The following KCNK3 variants were observed in gnomAD, a reference collection of about 807,000 sequenced individuals.
KCNK3 encodes potassium channel subfamily K member 3.
In KCNK3, 9 loss-of-function variants were observed where a neutral mutation model predicts 27.3. That is an observed-to-expected ratio of 0.33 (90% CI 0.20 to 0.57). The LOEUF (loss-of-function observed/expected upper bound fraction) is 0.57, where lower values mean the gene tolerates loss of function less well. KCNK3 is among the 20% of genes least tolerant of loss of function. The probability of loss-of-function intolerance (pLI) is 0.87; values close to 1 mark genes in which losing one functional copy is unlikely to be tolerated. For synonymous variants in KCNK3, 278 were observed against 273.8 expected, an observed-to-expected ratio of 1.02 and a Z score of -0.15; for missense variants, 391 against 577.7, an observed-to-expected ratio of 0.68 and a Z score of 3.31.
At chr2:26,706,208 T>C (rs1161660868) in intron 1 of KCNK3, among the ~76,000 whole-genome samples, 1 of 152,154 alleles carries the variant, frequency 6.6e-6, no homozygotes, top group Non-Finnish European at 1.5e-5. Context: ...TCTTTGCTCA[T>C]CCTCGAGCCA....
At chr2:26,702,077 A>G (rs551474180) in intron 1 of KCNK3, among the ~76,000 whole-genome samples, 136 of 152,252 alleles carry the variant, frequency 8.9e-4, no homozygotes, top group Admixed American at 1.4e-3. Context: ...CCTAGGACCT[A>G]TTAGTTATTT....
chr2:26,698,456 G>A (rs1235970103), intron 1 of KCNK3, among the ~76,000 whole-genome samples: 2 of 152,174 alleles, frequency 1.3e-5, no homozygotes, highest in African/African-American at 4.8e-5. Flanking sequence ...TTTACAAAGT[G>A]GGGATAATAA....
Position 26,692,761 on chromosome 2 carries a change from G to C in KCNK3, c.-115G>C. On this transcript the variant is annotated 5_prime_UTR_variant, in exon 1 of 2. Transcript: ENST00000302909. This position sits in a 1 kb window ranked among gnomAD's most constrained non-coding sequence, Gnocchi z 5.6. ...CGGGCGCTGAGCGGGTGCCCGGCGCGGAGAGCGGCGAGCGCAGCCATGCCC... is the reference window on the plus strand; with the variant it reads ...CGGGCGCTGAGCGGGTGCCCGGCGCCGAGAGCGGCGAGCGCAGCCATGCCC... The C allele has an allele frequency of 5.9e-6, 3 of 511,440 alleles. No individual in the cohort carries two copies. The highest frequency in any genetic ancestry group is 7.5e-6 in the Non-Finnish European group (3 of 398,560). The allele number at this position is 511,440 out of a possible 1,614,324, so 31.7% of individuals were successfully genotyped here.
rs1222341660 is a variant in KCNK3, at chr2:26,728,193, G to T, written c.810G>T (p.Ala270=). The T allele has an allele frequency of 6.4e-7, 1 of 1,564,448 alleles. No individual in the cohort carries two copies. The highest frequency in any genetic ancestry group is 8.7e-7 in the Non-Finnish European group (1 of 1,154,834). ...CGCTGCTCACGCGCAACGGGCAGGC[G>T]GGCGGCGGCGGAGGGGGTGGCAGCG... ...HRALLTRNGQ[A]GGGGGGGSAH... The change falls in exon 2 of 2, where the codon GCG becomes GCT. Residue 270 remains alanine (A), a synonymous_variant. Coordinates refer to ENST00000302909, the MANE Select transcript of KCNK3 (RefSeq NM_002246.3).
intron 1 of KCNK3, among the ~76,000 whole-genome samples, chr2:26,704,448 G>A (rs570376797): frequency 3.4e-4 from 52 of 152,296 alleles, no homozygotes; most frequent in African/African-American, 1.3e-3. Context: ...GGCTTGGCAT[G>A]GACTCAGTGT....
At chr2:26,699,251 A>AAGCC (rs1553384432) in intron 1 of KCNK3, among the ~76,000 whole-genome samples, 1,651 of 134,218 alleles carry the variant, frequency 0.012, 46 homozygotes, top group African/African-American at 0.051. Flanking sequence ...GAAAGAAAGA[A>AAGCC]AGCCAGCCAA....
intron 1 of KCNK3, among the ~76,000 whole-genome samples, chr2:26,718,243 A>G (rs1165709853): frequency 6.6e-6 from 1 of 151,936 alleles, no homozygotes; most frequent in African/African-American, 2.4e-5. Context: ...TCAGCTCAAT[A>G]TCTCTCTGAG....
intron 1 of KCNK3, among the ~76,000 whole-genome samples, chr2:26,702,747 T>C (rs1338859692): frequency 6.6e-6 from 1 of 152,064 alleles, no homozygotes; most frequent in Non-Finnish European, 1.5e-5. Context: ...TTAAGAGATG[T>C]GTTGCAAGGA....
chr2:26,713,502 G>A (rs780083647), intron 1 of KCNK3, among the ~76,000 whole-genome samples: 10 of 152,144 alleles, frequency 6.6e-5, no homozygotes, highest in African/African-American at 1.9e-4. Context: ...TATGTGGGCC[G>A]GACACGGTGG....
At position 26,693,835 on chromosome 2, in the gene KCNK3, T is replaced by A. The variant is rs149093866; in HGVS notation, c.283+677T>A. ...CACCTCACAGGAATAACCCCAGTTC[T>A]TTCCAAGCCAGGGCAGATCACCATG... On this transcript the variant is annotated intron_variant, in intron 1 of 1. Transcript: ENST00000302909. The surrounding 1 kb of genome is among the most constrained non-coding windows in gnomAD (Gnocchi z 5.5). Among the ~76,000 whole-genome samples the A allele has an allele frequency of 3.9e-5, 6 of 152,244 alleles. No individual in the cohort carries two copies. Among genetic ancestry groups the A allele is most frequent in the African/African-American group, 1.4e-4 (6 of 41,540 alleles).
At chr2:26,708,522 C>CA (rs963241996) in intron 1 of KCNK3, among the ~76,000 whole-genome samples, 1 of 151,874 alleles carries the variant, frequency 6.6e-6, no homozygotes, top group Non-Finnish European at 1.5e-5. Context: ...AAAAGAAATA[C>CA]AAAAAAATTA....
intron 1 of KCNK3, among the ~76,000 whole-genome samples, chr2:26,706,213 G>A (rs763073422): frequency 4.6e-5 from 7 of 152,162 alleles, no homozygotes; most frequent in African/African-American, 9.7e-5. Context: ...GCTCATCCTC[G>A]AGCCAAAGCT....
At chr2:26,713,991 G>A (rs975971369) in intron 1 of KCNK3, among the ~76,000 whole-genome samples, 6 of 151,482 alleles carry the variant, frequency 4.0e-5, no homozygotes, top group African/African-American at 1.5e-4. Flanking sequence ...CAGGAGAATC[G>A]CTTGAATCCA....
chr2:26,706,002 G>A (rs746557886), intron 1 of KCNK3, among the ~76,000 whole-genome samples: 27 of 152,276 alleles, frequency 1.8e-4, no homozygotes, highest in Non-Finnish European at 3.1e-4. Flanking sequence ...TAGGGCTGAG[G>A]TAAGCCCAGG....
Position 26,711,183 on chromosome 2 carries a change from A to T in KCNK3, c.284-16484A>T, listed in dbSNP as rs75794862. ...TTACCACGTCTCTGTCATGAAGCTG[A>T]TACACATGTTGCCTAACCTTGACCG... On this transcript the variant is annotated intron_variant, in intron 1 of 1. Transcript: ENST00000302909. 5.6e-3 allele frequency among the ~76,000 whole-genome samples: 858 copies of T among 152,272 alleles called. 7 individuals are homozygous for T. Among genetic ancestry groups the T allele is most frequent in the African/African-American group, 0.02 (818 of 41,556 alleles).
chr2:26,730,967 C>T lies in KCNK3; in HGVS notation c.*2399C>T, dbSNP rs1260698467. The T allele has an allele frequency of 6.5e-6, 1 of 152,732 alleles. No homozygotes were observed. The highest frequency in any genetic ancestry group is 2.4e-5 in the African/African-American group (1 of 41,442). The allele number at this position is 152,732 out of a possible 1,614,324, so 9.5% of individuals were successfully genotyped here. On this transcript the variant is annotated 3_prime_UTR_variant, in exon 2 of 2. Coordinates refer to ENST00000302909, the MANE Select transcript of KCNK3 (RefSeq NM_002246.3). ...TGGAAGGCCAGTGTTGCTTCCCCCT[C>T]ACTCCCTTTCACTGCAGGCAGCCTC... is the stretch of plus-strand genomic sequence containing the variant.
Position 26,705,501 on chromosome 2 carries a change from C to T in KCNK3, c.283+12343C>T, listed in dbSNP as rs148626973. Among the ~76,000 whole-genome samples, 7 of 152,232 alleles carry T rather than the reference C, an allele frequency of 4.6e-5. No individual in the cohort carries two copies. In the East Asian group the frequency reaches 5.8e-4, roughly 13 times the overall value. ...CTTCCTGCAATTGAGGGTCAGTGAA[C>T]GTGGGAGCCAGAGTCCAGTCCAGAC... On this transcript the variant is annotated intron_variant, in intron 1 of 1. Transcript: ENST00000302909.
chr2:26,724,525 A>T, intron 1 of KCNK3: 1 of 875,208 alleles, frequency 1.1e-6, no homozygotes, highest in Non-Finnish European at 1.4e-6. Flanking sequence ...CCTTGTAAGA[A>T]GTTTTTGAGG....
At chr2:26,706,782 A>T (rs1670379629) in intron 1 of KCNK3, among the ~76,000 whole-genome samples, 1 of 152,106 alleles carries the variant, frequency 6.6e-6, no homozygotes, top group Non-Finnish European at 1.5e-5. Context: ...AGAGGCAGGC[A>T]TCTCGTCCTT....
Sources: gnomAD v4.1 joint callset for allele counts (sites outside exome capture counted in the v4.1 genomes callset) on GRCh38, gnomAD v4.1.1 for gene constraint, Gnocchi (gnomAD v3.1) non-coding constraint, MANE v1.5 for transcripts, NCBI Gene and HGNC (gene_info 2026-07-23, HGNC 2026-07-21) for gene names.